DCPS: variants seen among roughly 807,000 people sequenced by gnomAD.
The protein encoded by DCPS is m7GpppX diphosphatase.
In DCPS, 27 loss-of-function variants were observed where a neutral mutation model predicts 34.7. That is an observed-to-expected ratio of 0.78 (90% confidence interval 0.57 to 1.07). DCPS has a LOEUF of 1.07. DCPS is among the 50% of genes least tolerant of loss of function. The pLI is 0.00. For missense variants in DCPS, 464 were observed against 436.9 expected (o/e 1.06, Z -0.55); for synonymous variants, 185 against 185.7 (o/e 1.00, Z 0.03).
In DCPS at chr11:126,331,637, G is replaced by T; in HGVS notation, c.522+87G>T. On this transcript the variant is annotated intron_variant, in intron 3 of 5. Transcript: ENST00000263579. The surrounding 1 kb of genome is among the most constrained non-coding windows in gnomAD (Gnocchi z 7.2). ...AGTGTCTATTGGGGTCATATTAGGG[G>T]CCAGGCGCTGTGCTGGGCGAGGGGA... 6.6e-7 allele frequency: 1 copy of T among 1,523,634 alleles called. No individual in the cohort carries two copies. Among genetic ancestry groups the T allele is most frequent in the Non-Finnish European group, 8.9e-7 (1 of 1,128,930 alleles). The allele number at this position is 1,523,634 out of a possible 1,614,324, so 94.4% of individuals were successfully genotyped here. A position where few individuals can be genotyped will look rare whatever the true frequency, so the allele number is the denominator to read the frequency against.
In DCPS at chr11:126,320,342, G is replaced by A. The variant is rs1263967399; in HGVS notation, c.377-11063G>A. ...CTTAAAGAACAAGCAAGTATGTCACGTGGCAACAAACAGCAAAGATTGAAA... is the reference window on the plus strand; with the variant it reads ...CTTAAAGAACAAGCAAGTATGTCACATGGCAACAAACAGCAAAGATTGAAA... On this transcript the variant is annotated intron_variant, in intron 2 of 5. Coordinates refer to ENST00000263579, the MANE Select transcript of DCPS (RefSeq NM_014026.6). The surrounding 1 kb of genome is among the most constrained non-coding windows in gnomAD (Gnocchi z 4.7). Among the ~76,000 whole-genome samples the A allele has an allele frequency of 2.0e-5, 3 of 152,178 alleles. No homozygotes were observed. The highest frequency in any genetic ancestry group is 2.1e-4 in the South Asian group (1 of 4,830).
chr11:126,316,683 C>T (rs1285025565), intron 2 of DCPS, among the ~76,000 whole-genome samples: 13 of 150,484 alleles, frequency 8.6e-5, no homozygotes, highest in African/African-American at 2.2e-4. Flanking sequence ...GATGGAGTCT[C>T]GCTCTGTCGC....
At chr11:126,324,157 G>C (rs1288932958) in intron 2 of DCPS, among the ~76,000 whole-genome samples, 1 of 152,028 alleles carries the variant, frequency 6.6e-6, no homozygotes, top group African/African-American at 2.4e-5. Context: ...TACAGTTATT[G>C]TATTCACATA....
At chr11:126,317,788 TG>T (rs942408561) in intron 2 of DCPS, among the ~76,000 whole-genome samples, 48 of 152,126 alleles carry the variant, frequency 3.2e-4, no homozygotes, top group Non-Finnish European at 5.9e-4. Context: ...TGTGGAGAAG[TG>T]GGGGGGCTCG....
In DCPS at chr11:126,332,551, C is replaced by A. The variant is rs976386592; in HGVS notation, c.522+1001C>A. 1.3e-5 allele frequency among the ~76,000 whole-genome samples: 2 copies of A among 152,194 alleles called. No individual in the cohort carries two copies. Among genetic ancestry groups the A allele is most frequent in the African/African-American group, 4.8e-5 (2 of 41,444 alleles). On this transcript the variant is annotated intron_variant, in intron 3 of 5. Coordinates refer to ENST00000263579, the MANE Select transcript of DCPS (RefSeq NM_014026.6). The surrounding 1 kb of genome is among the most constrained non-coding windows in gnomAD (Gnocchi z 5.4). ...TGTGAGGAACTCACAGCCACTCCTC[C>A]CTGGCCCAGAAGAAGGGAGGGTACG... is the stretch of plus-strand genomic sequence containing the variant.
rs1396146406 is a variant in DCPS, at chr11:126,348,711, G to A, written c.*3098G>A. 3.3e-5 allele frequency among the ~76,000 whole-genome samples: 5 copies of A among 152,192 alleles called. No homozygotes were observed. Among genetic ancestry groups the A allele is most frequent in the South Asian group, 2.1e-4 (1 of 4,824 alleles). ...TTTATTCCTATTTGTGAGTTTCTCC[G>A]CTTTCCTCACTAGACTGAGAGGGTC... On this transcript the variant is annotated 3_prime_UTR_variant, in exon 6 of 6. Coordinates refer to ENST00000263579, the MANE Select transcript of DCPS (RefSeq NM_014026.6). This position sits in a 1 kb window ranked among gnomAD's most constrained non-coding sequence, Gnocchi z 5.3.
Position 126,329,396 on chromosome 11 carries a change from G to A in DCPS, c.377-2009G>A, listed in dbSNP as rs1951765161. 6.6e-6 allele frequency among the ~76,000 whole-genome samples: 1 copy of A among 152,190 alleles called. No homozygotes were observed. The highest frequency in any genetic ancestry group is 2.4e-5 in the African/African-American group (1 of 41,448). ...CAGATTTGATGACCACCCTTTAATA[G>A]GTGAGGAAGCCAAGGCTCTAAGACG... On this transcript the variant is annotated intron_variant, in intron 2 of 5. Coordinates refer to ENST00000263579, the MANE Select transcript of DCPS (RefSeq NM_014026.6). This position sits in a 1 kb window ranked among gnomAD's most constrained non-coding sequence, Gnocchi z 5.0.
chr11:126,330,392 T>C (rs897931892), intron 2 of DCPS, among the ~76,000 whole-genome samples: 7 of 152,126 alleles, frequency 4.6e-5, no homozygotes, highest in African/African-American at 1.7e-4. Context: ...ACAGCACTTA[T>C]GTGGTGTTTA....
chr11:126,341,192 A>C (rs186799689), intron 4 of DCPS: 6 of 152,348 alleles, frequency 3.9e-5, no homozygotes, highest in Non-Finnish European at 5.9e-5. Context: ...AGGTTAAGAG[A>C]TGGCTCTCCA....
At chr11:126,308,723 T>G (rs1951593246) in intron 2 of DCPS, among the ~76,000 whole-genome samples, 2 of 151,350 alleles carry the variant, frequency 1.3e-5, no homozygotes, top group Non-Finnish European at 1.5e-5. Flanking sequence ...GAAATCCCTC[T>G]ACCCACCCTC....
At position 126,331,585 on chromosome 11, in the gene DCPS, C is replaced by A; in HGVS notation, c.522+35C>A. 1 of 1,607,976 alleles carries A rather than the reference C, an allele frequency of 6.2e-7. No individual in the cohort carries two copies. Among genetic ancestry groups the A allele is most frequent in the Non-Finnish European group, 8.5e-7 (1 of 1,176,742 alleles). On this transcript the variant is annotated intron_variant, in intron 3 of 5. Coordinates refer to ENST00000263579, the MANE Select transcript of DCPS (RefSeq NM_014026.6). The surrounding 1 kb of genome is among the most constrained non-coding windows in gnomAD (Gnocchi z 7.2). ...TGCATGTCTCAGACGCAGAGCACTG[C>A]TCCCGTGGCTGGTGCCTCCTCTTAC...
Position 126,327,316 on chromosome 11 carries a change from A to G in DCPS, c.377-4089A>G, listed in dbSNP as rs1824293996. On this transcript the variant is annotated intron_variant, in intron 2 of 5. Transcript: ENST00000263579. This position sits in a 1 kb window ranked among gnomAD's most constrained non-coding sequence, Gnocchi z 4.1. Reference sequence around the variant, plus strand: ...GATTTTGGTTTGCTGATATTTCCTCATGACTGGACTCAGGTTATGCGTTTT... The same window carrying G: ...GATTTTGGTTTGCTGATATTTCCTCGTGACTGGACTCAGGTTATGCGTTTT... Among the ~76,000 whole-genome samples, 1 of 152,112 alleles carries G rather than the reference A, an allele frequency of 6.6e-6. No homozygotes were observed. The highest frequency in any genetic ancestry group is 1.5e-5 in the Non-Finnish European group (1 of 68,026).
intron 2 of DCPS, among the ~76,000 whole-genome samples, chr11:126,309,851 C>G (rs1221892151): frequency 6.6e-6 from 1 of 152,148 alleles, no homozygotes; most frequent in Non-Finnish European, 1.5e-5. Context: ...GTCTCTGTCT[C>G]CTCTTCTTCT....
rs1008666907 is a variant in DCPS, at chr11:126,312,887, C to T, written c.376+6143C>T. ...ACTGGCTCTGCCCATGGGTAGGTTT[C>T]CTTTCTTCTTCCTGTTGCTGTGTGG... On this transcript the variant is annotated intron_variant, in intron 2 of 5. Transcript: ENST00000263579. This position sits in a 1 kb window ranked among gnomAD's most constrained non-coding sequence, Gnocchi z 5.1. Among the ~76,000 whole-genome samples, 5 of 152,122 alleles carry T rather than the reference C, an allele frequency of 3.3e-5. No homozygotes were observed. The highest frequency in any genetic ancestry group is 7.2e-5 in the African/African-American group (3 of 41,420).
In DCPS at chr11:126,328,361, G is replaced by A. The variant is rs946834787; in HGVS notation, c.377-3044G>A. Among the ~76,000 whole-genome samples, 1 of 152,160 alleles carries A rather than the reference G, an allele frequency of 6.6e-6. No individual in the cohort carries two copies. The highest frequency in any genetic ancestry group is 6.5e-5 in the Admixed American group (1 of 15,282). On this transcript the variant is annotated intron_variant, in intron 2 of 5. Transcript: ENST00000263579. The surrounding 1 kb of genome is among the most constrained non-coding windows in gnomAD (Gnocchi z 6.6). ...CTGAGGGAAGCCAGGCCCCTTAGGA[G>A]TGAGTGCTCTAGGGGGACGTGGGGA...
At chr11:126,308,736 CA>C (rs1339471875) in intron 2 of DCPS, among the ~76,000 whole-genome samples, 23 of 151,898 alleles carry the variant, frequency 1.5e-4, no homozygotes, top group Admixed American at 1.1e-3. Flanking sequence ...CCACCCTCCC[CA>C]CCCTTGGCCA....
At chr11:126,321,346 T>G (rs1204191260) in intron 2 of DCPS, among the ~76,000 whole-genome samples, 3 of 149,214 alleles carry the variant, frequency 2.0e-5, no homozygotes, top group Non-Finnish European at 4.4e-5. Context: ...GGCACTGAGG[T>G]GTGGAGAGAT....
chr11:126,348,538 T>G lies in DCPS; in HGVS notation c.*2925T>G, dbSNP rs1951958227. ...CTCAATCCAACCCTCTTTGGGCTTA[T>G]CACCCTCAAGGTCTAGAGTGCACCA... On this transcript the variant is annotated 3_prime_UTR_variant, in exon 6 of 6. Coordinates refer to ENST00000263579, the MANE Select transcript of DCPS (RefSeq NM_014026.6). This position sits in a 1 kb window ranked among gnomAD's most constrained non-coding sequence, Gnocchi z 5.3. Among the ~76,000 whole-genome samples the G allele has an allele frequency of 1.3e-5, 2 of 152,220 alleles. No homozygotes were observed. Among genetic ancestry groups the G allele is most frequent in the Admixed American group, 6.5e-5 (1 of 15,274 alleles).
rs1041142792 is a variant in DCPS at position 126,344,177 on chromosome 11, G to A, written c.747+760G>A. Among the ~76,000 whole-genome samples, 2 of 152,196 alleles carry A rather than the reference G, an allele frequency of 1.3e-5. No homozygotes were observed. Among genetic ancestry groups the A allele is most frequent in the East Asian group, 1.9e-4 (1 of 5,190 alleles). The stretch of plus-strand genomic sequence containing the variant: ...ACAACGATGCCCAGCCAGGAGAGAG[G>A]TTTGCCCCTTTTTGACCAGTGATGC... On this transcript the variant is annotated intron_variant, in intron 5 of 5. Transcript: ENST00000263579. This position sits in a 1 kb window ranked among gnomAD's most constrained non-coding sequence, Gnocchi z 8.1.
Sources: gnomAD v4.1 joint callset for allele counts (sites outside exome capture counted in the v4.1 genomes callset) on GRCh38, gnomAD v4.1.1 for gene constraint, Gnocchi (gnomAD v3.1) non-coding constraint, MANE v1.5 for transcripts, NCBI Gene and HGNC (gene_info 2026-07-23, HGNC 2026-07-21) for gene names.